Variants in TLK1 observed in about 807,000 individuals in gnomAD.
TLK1 encodes serine/threonine-protein kinase tousled-like 1.
Under a neutral mutation model 105.3 loss-of-function variants are expected in TLK1, and 24 were observed. The observed-to-expected ratio is 0.23, with a 90% CI of 0.17 to 0.32. The LOEUF (loss-of-function observed/expected upper bound fraction) is 0.32. Among genes scored for constraint, TLK1 ranks in the 10% least tolerant of loss-of-function variants. The pLI is 1.00. For synonymous variants in TLK1, 321 were observed against 310.4 expected, an observed-to-expected ratio of 1.03 and a Z score of -0.36; for missense variants, 558 against 910.5, an observed-to-expected ratio of 0.61 and a Z score of 4.98.
At chr2:171,170,338 T>C (rs922301780) in intron 1 of TLK1, among the ~76,000 whole-genome samples, 3 of 152,176 alleles carry the variant, frequency 2.0e-5, no homozygotes, top group Non-Finnish European at 4.4e-5. Flanking sequence ...CACAAAAAGA[T>C]AAATGTCAAT....
rs377400394 is a variant in TLK1 at position 171,120,580 on chromosome 2, C to T, written c.140-2723G>A. On this transcript the variant is annotated intron_variant, in intron 1 of 20. Coordinates refer to ENST00000431350, the MANE Select transcript of TLK1 (RefSeq NM_012290.5). ...ATGAGGGAAATGCAAATCAAAATCA[C>T]GGTGAGACACCACTTCATACCCATT... Among the ~76,000 whole-genome samples, 129 of 152,260 alleles carry T rather than the reference C, an allele frequency of 8.5e-4. 1 individual carries two copies. The South Asian group carries it at 0.024, about 29-fold the overall frequency.
intron 2 of TLK1, among the ~76,000 whole-genome samples, chr2:171,112,091 A>G (rs1461823630): frequency 1.3e-5 from 2 of 152,158 alleles, no homozygotes; most frequent in African/African-American, 4.8e-5. Flanking sequence ...AGCTGGGACT[A>G]TAGGCAAACG....
intron 1 of TLK1, among the ~76,000 whole-genome samples, chr2:171,147,587 G>A (rs1691840292): frequency 6.6e-6 from 1 of 152,092 alleles, no homozygotes; most frequent in South Asian, 2.1e-4. Context: ...TGATACTTTA[G>A]AATTTAAATG....
chr2:171,193,699 CATTTTTTTTTTT>C (rs1479918681), intron 1 of TLK1, among the ~76,000 whole-genome samples: 2 of 103,226 alleles, frequency 1.9e-5, no homozygotes, highest in African/African-American at 8.0e-5. Context: ...CAGCGCCTGG[CATTTTTTTTTTT>C]TTTTTTTTTT....
At position 171,160,500 on chromosome 2, in the gene TLK1, C is replaced by T. The variant is rs891265007; in HGVS notation, c.-72G>A. 1 of 1,565,884 alleles carries T rather than the reference C, an allele frequency of 6.4e-7. No individual in the cohort carries two copies. The highest frequency in any genetic ancestry group is 8.6e-7 in the Non-Finnish European group (1 of 1,161,114). On this transcript the variant is annotated 5_prime_UTR_variant, in exon 1 of 21. Coordinates refer to ENST00000431350, the MANE Select transcript of TLK1 (RefSeq NM_012290.5). This position sits in a 1 kb window ranked among gnomAD's most constrained non-coding sequence, Gnocchi z 4.4. ...CGGCAACGGCACCGGCACCCGCCTC[C>T]GTCATGGCGGGGGCCGCGCTGAGGG...
At chr2:171,156,163 C>T (rs1308224520) in intron 1 of TLK1, among the ~76,000 whole-genome samples, 1 of 152,198 alleles carries the variant, frequency 6.6e-6, no homozygotes, top group Non-Finnish European at 1.5e-5. Flanking sequence ...CCTTTTCCAA[C>T]CATATATCTA....
chr2:171,077,654 G>A (rs1406472865), intron 3 of TLK1, among the ~76,000 whole-genome samples: 1 of 151,984 alleles, frequency 6.6e-6, no homozygotes, highest in Non-Finnish European at 1.5e-5. Flanking sequence ...TATCACTTTT[G>A]GGTCTCAGGA....
intron 1 of TLK1, among the ~76,000 whole-genome samples, chr2:171,122,104 G>A (rs559828505): frequency 2.0e-5 from 3 of 152,146 alleles, no homozygotes; most frequent in East Asian, 1.9e-4. Context: ...TCACCACCAC[G>A]CCCAGCTAAT....
chr2:171,144,154 T>C (rs566048854), intron 1 of TLK1, among the ~76,000 whole-genome samples: 1 of 152,292 alleles, frequency 6.6e-6, no homozygotes, highest in East Asian at 1.9e-4. Flanking sequence ...CACTTGCACT[T>C]TATGACAGAG....
intron 1 of TLK1, among the ~76,000 whole-genome samples, chr2:171,140,994 CAT>C (rs1691549948): frequency 1.3e-5 from 2 of 152,044 alleles, no homozygotes; most frequent in South Asian, 4.1e-4. Flanking sequence ...AGTCTGATGG[CAT>C]ATTAGACACA....
chr2:171,134,679 GAA>G (rs979356988), intron 1 of TLK1, among the ~76,000 whole-genome samples: 1 of 122,114 alleles, frequency 8.2e-6, no homozygotes, highest in African/African-American at 2.9e-5. Context: ...AGATGAATAG[GAA>G]AAAAAAAAAA....
At chr2:171,007,163 A>C in intron 14 of TLK1, 100 bp from the exon 15 acceptor site, 1 of 849,590 alleles carries the variant, frequency 1.2e-6, no homozygotes, top group Non-Finnish European at 1.8e-6. Flanking sequence ...ATATGGAATT[A>C]GGACAAACCC....
chr2:171,124,257 G>A (rs913152000), intron 1 of TLK1, among the ~76,000 whole-genome samples: 1 of 152,208 alleles, frequency 6.6e-6, no homozygotes, highest in African/African-American at 2.4e-5. Flanking sequence ...TTGAATATCA[G>A]TTGCCACTGA....
At chr2:171,117,899 T>TAC in intron 1 of TLK1, 42 bp from the exon 2 acceptor site, 1 of 1,387,774 alleles carries the variant, frequency 7.2e-7, no homozygotes, top group Non-Finnish European at 9.9e-7. Context: ...TATATATGTG[T>TAC]GTATACTTTA....
At chr2:171,167,875 GCAAA>G (rs1444962780) in intron 1 of TLK1, among the ~76,000 whole-genome samples, 40 of 152,154 alleles carry the variant, frequency 2.6e-4, no homozygotes, top group African/African-American at 9.6e-4. Flanking sequence ...AGTACAACAA[GCAAA>G]CAGTGCTCAT....
intron 2 of TLK1, among the ~76,000 whole-genome samples, chr2:171,117,067 C>T (rs142195330): frequency 2.0e-5 from 3 of 152,230 alleles, no homozygotes; most frequent in Non-Finnish European, 4.4e-5. Flanking sequence ...ATCTTTTTGG[C>T]ACCCAGGATC....
intron 3 of TLK1, among the ~76,000 whole-genome samples, chr2:171,062,211 C>T (rs182383478): frequency 2.6e-5 from 4 of 152,306 alleles, no homozygotes; most frequent in Admixed American, 6.5e-5. Flanking sequence ...ACGTGGTAAG[C>T]ACCTCTGGTG....
At chr2:171,056,629 T>A in intron 5 of TLK1, 63 bp from the exon 6 acceptor site, 1 of 1,339,916 alleles carries the variant, frequency 7.5e-7, no homozygotes, top group Non-Finnish European at 1.1e-6. Flanking sequence ...TTATTTCAGA[T>A]ATGACATTAA....
chr2:171,175,222 G>A (rs1199455756), intron 1 of TLK1, among the ~76,000 whole-genome samples: 2 of 151,826 alleles, frequency 1.3e-5, no homozygotes, highest in Non-Finnish European at 2.9e-5. Flanking sequence ...TACAGAGTGA[G>A]ATTGTTTCAA....
Sources: allele counts gnomAD v4.1 joint callset (sites outside exome capture counted in the v4.1 genomes callset), GRCh38; gene constraint gnomAD v4.1.1; non-coding constraint Gnocchi (gnomAD v3.1); transcripts MANE v1.5; gene names NCBI Gene and HGNC (gene_info 2026-07-23, HGNC 2026-07-21).